RANBP17: variants seen among roughly 807,000 people sequenced by gnomAD.
The protein encoded by RANBP17 is RAN binding protein 17, also known as ran-binding protein 17.
Under a neutral mutation model 141.2 loss-of-function variants are expected in RANBP17, and 158 were observed. The observed-to-expected ratio is 1.12, with a 90% CI of 0.98 to 1.28. The LOEUF is 1.28. Among genes scored for constraint, RANBP17 ranks in the 50% most tolerant of loss-of-function variants. The pLI, the probability that RANBP17 is intolerant of heterozygous loss-of-function variation, is 0.00. For missense variants in RANBP17, 1,438 were observed against 1,290.7 expected (o/e 1.11, Z -1.75); for synonymous variants, 430 against 450.0 (o/e 0.96, Z 0.56).
chr5:171,028,456 C>T (rs1487821674), intron 14 of RANBP17, among the ~76,000 whole-genome samples: 4 of 152,096 alleles, frequency 2.6e-5, no homozygotes, highest in African/African-American at 4.8e-5. Flanking sequence ...TCTTATAAAT[C>T]ACTGCTAGCA....
Position 171,071,341 on chromosome 5 carries a change from A to G in RANBP17, c.1711-98789A>G, listed in dbSNP as rs151130030. Reference sequence around the variant, plus strand: ...CAAAATCCCAGCATATTTTTTGTAGATATTGACAAGCTAATTCTAAAACTT... The same window carrying G: ...CAAAATCCCAGCATATTTTTTGTAGGTATTGACAAGCTAATTCTAAAACTT... On this transcript the variant is annotated intron_variant, in intron 14 of 27. Transcript: ENST00000523189. Among the ~76,000 whole-genome samples, 605 of 152,174 alleles carry G rather than the reference A, an allele frequency of 4.0e-3. 3 individuals carry two copies. Among genetic ancestry groups the G allele is most frequent in the African/African-American group, 0.014 (569 of 41,526 alleles).
chr5:171,046,791 A>G lies in RANBP17; in HGVS notation c.1710+78414A>G, dbSNP rs144860087. Among the ~76,000 whole-genome samples the G allele has an allele frequency of 6.3e-3, 961 of 152,218 alleles. 9 individuals carry two copies. The highest frequency in any genetic ancestry group is 0.022 in the African/African-American group (910 of 41,536). On this transcript the variant is annotated intron_variant, in intron 14 of 27. Transcript: ENST00000523189. ...ACCTCACTCCATTATCTTGCCATCA[A>G]TGTCATTTGTAATCTTTGCAAGTCT...
At chr5:171,106,974 TA>T (rs1754886025) in intron 14 of RANBP17, among the ~76,000 whole-genome samples, 2 of 152,218 alleles carry the variant, frequency 1.3e-5, no homozygotes, top group African/African-American at 2.4e-5. Flanking sequence ...GGCCCCATCC[TA>T]AACCAATTAG....
At chr5:170,862,818 G>A (rs10063890) in intron 1 of RANBP17, among the ~76,000 whole-genome samples, 92,559 of 152,102 alleles carry the variant, frequency 0.61, 30,045 homozygotes, top group South Asian at 0.88. Context: ...AAGTTCTGGG[G>A]ATAAAGGATG....
At chr5:171,062,528 C>T (rs1387379854) in intron 14 of RANBP17, among the ~76,000 whole-genome samples, 6 of 152,234 alleles carry the variant, frequency 3.9e-5, no homozygotes, top group African/African-American at 1.2e-4. Flanking sequence ...CCGAGAGATC[C>T]GCTGTTAGTC....
chr5:171,279,692 A>T lies in RANBP17; in HGVS notation c.2943+13845A>T, dbSNP rs368607385. ...GATTCTCACAATAACCCTAACAGGG[A>T]GATAAGGCCAACACGGATTTTTTTT... On this transcript the variant is annotated intron_variant, in intron 25 of 27. Coordinates refer to ENST00000523189, the MANE Select transcript of RANBP17 (RefSeq NM_022897.5). Among the ~76,000 whole-genome samples, 28 of 152,252 alleles carry T rather than the reference A, an allele frequency of 1.8e-4. No individual in the cohort carries two copies. The East Asian group carries it at 3.3e-3, about 18-fold the overall frequency.
intron 1 of RANBP17, among the ~76,000 whole-genome samples, chr5:170,864,599 G>A (rs1767086457): frequency 6.6e-6 from 1 of 152,202 alleles, no homozygotes; most frequent in African/African-American, 2.4e-5. Context: ...AGGGGGCAGA[G>A]TGAGGAAAAA....
At chr5:171,241,229 G>T in intron 23 of RANBP17, 87 bp downstream of exon 23, 1 of 977,102 alleles carries the variant, frequency 1.0e-6, no homozygotes, top group Non-Finnish European at 1.6e-6. Flanking sequence ...GAAGCCCAGG[G>T]AGTTAGCCTA....
intron 14 of RANBP17, among the ~76,000 whole-genome samples, chr5:171,025,643 G>T (rs183984811): frequency 2.7e-5 from 4 of 148,810 alleles, no homozygotes; most frequent in Non-Finnish European, 5.9e-5. Flanking sequence ...TGATGTGATC[G>T]TAGCTCACTG....
intron 14 of RANBP17, among the ~76,000 whole-genome samples, chr5:171,101,823 T>C (rs1787186579): frequency 6.6e-6 from 1 of 152,214 alleles, no homozygotes; most frequent in African/African-American, 2.4e-5. Context: ...TGCTTGTCTG[T>C]AAAGAATTTT....
intron 14 of RANBP17, among the ~76,000 whole-genome samples, chr5:171,029,763 T>A (rs115094448): frequency 0.026 from 3,968 of 152,102 alleles, 154 homozygotes; most frequent in African/African-American, 0.089. Context: ...TTCAAAAAAA[T>A]TTTTTTATTT....
intron 5 of RANBP17, among the ~76,000 whole-genome samples, chr5:170,906,858 T>C (rs1771114013): frequency 6.6e-6 from 1 of 151,986 alleles, no homozygotes. Context: ...TCTAAGCTTT[T>C]CTTGCATTGA....
At chr5:171,227,220 C>G (rs961778784) in intron 22 of RANBP17, among the ~76,000 whole-genome samples, 3 of 152,152 alleles carry the variant, frequency 2.0e-5, no homozygotes, top group Non-Finnish European at 4.4e-5. Context: ...GCCTCTTGCA[C>G]CAAACAGCCA....
intron 14 of RANBP17, among the ~76,000 whole-genome samples, chr5:171,157,161 G>C (rs1438197457): frequency 6.6e-6 from 1 of 152,044 alleles, no homozygotes; most frequent in South Asian, 2.1e-4. Context: ...GAAATATCTG[G>C]GTTTTTAGTA....
chr5:170,980,756 T>C (rs996516111), intron 14 of RANBP17, among the ~76,000 whole-genome samples: 1 of 152,172 alleles, frequency 6.6e-6, no homozygotes, highest in East Asian at 1.9e-4. Context: ...GAACCTCTGC[T>C]AAGGCAGTGC....
In RANBP17 at chr5:170,946,623, CAT is replaced by C. The variant is rs1221446495; in HGVS notation, c.1469-6973_1469-6972del. ...CAACATTTTCATCAGCTAACCAACA[CAT>C]GACCTTTTTTTAAGTATGTTTCTGT... On this transcript the variant is annotated intron_variant, in intron 12 of 27. Coordinates refer to ENST00000523189, the MANE Select transcript of RANBP17 (RefSeq NM_022897.5). Among the ~76,000 whole-genome samples the C allele has an allele frequency of 5.9e-5, 9 of 152,176 alleles. No individual in the cohort carries two copies. The South Asian group carries it at 6.2e-4, about 10-fold the overall frequency.
chr5:171,250,862 C>G (rs773822933), intron 24 of RANBP17, among the ~76,000 whole-genome samples: 10 of 152,184 alleles, frequency 6.6e-5, no homozygotes, highest in Non-Finnish European at 1.5e-4. Context: ...TTTGAAGAGA[C>G]ACACTACAAT....
chr5:171,071,950 A>G (rs811407), intron 14 of RANBP17, among the ~76,000 whole-genome samples: 92,880 of 151,892 alleles, frequency 0.61, 29,768 homozygotes, highest in South Asian at 0.88. Flanking sequence ...TGAAAAGTCA[A>G]GTGCTGAATG....
rs373362165 is a variant in RANBP17 at position 170,969,265 on chromosome 5, T to G, written c.1710+888T>G. Reference sequence around the variant, plus strand: ...TTAAGGAAATGATGCCATTTTATAATTTCTTTCTCAAATATATTATGATAT... The same window carrying G: ...TTAAGGAAATGATGCCATTTTATAAGTTCTTTCTCAAATATATTATGATAT... On this transcript the variant is annotated intron_variant, in intron 14 of 27. Coordinates refer to ENST00000523189, the MANE Select transcript of RANBP17 (RefSeq NM_022897.5). Among the ~76,000 whole-genome samples, 60 of 151,934 alleles carry G rather than the reference T, an allele frequency of 3.9e-4. No individual in the cohort carries two copies. The South Asian group carries it at 0.012, about 30-fold the overall frequency.
Sources: gnomAD v4.1 joint callset for allele counts (sites outside exome capture counted in the v4.1 genomes callset) on GRCh38, gnomAD v4.1.1 for gene constraint, MANE v1.5 for transcripts, NCBI Gene and HGNC (gene_info 2026-07-23, HGNC 2026-07-21) for gene names.